SLCO6A1: variants seen among roughly 807,000 people sequenced by gnomAD.
SLCO6A1 encodes the protein solute carrier organic anion transporter family member 6A1.
In SLCO6A1, 65 loss-of-function variants were observed where a neutral mutation model predicts 72.7. The ratio of observed to expected loss-of-function variants is 0.89; its 90% CI spans 0.73 to 1.10. SLCO6A1 has a LOEUF of 1.10. SLCO6A1 is among the 50% of genes least tolerant of loss of function. The pLI is 0.00. For synonymous variants in SLCO6A1, 314 were observed against 298.2 expected (o/e 1.05, Z -0.55); for missense variants, 874 against 872.6 (o/e 1.00, Z -0.02).
chr5:102,413,708 G>A (rs1422496829), intron 8 of SLCO6A1, among the ~76,000 whole-genome samples: 4 of 152,108 alleles, frequency 2.6e-5, no homozygotes, highest in Admixed American at 2.0e-4. Flanking sequence ...CAGAACTGTT[G>A]TGATATTTTA....
chr5:102,384,449 A>AT lies in SLCO6A1; in HGVS notation c.2017+4238dup, dbSNP rs199940771. ...TTTGCTGTCTTCCTTTGTGGTTTGA[A>AT]TTTTTTTTTGTAGTGGCAGTACGCT... On this transcript the variant is annotated intron_variant, in intron 12 of 13. Transcript: ENST00000506729. Among the ~76,000 whole-genome samples the AT allele has an allele frequency of 3.2e-3, 492 of 151,730 alleles. 1 individual carries two copies. Among genetic ancestry groups the AT allele is most frequent in the African/African-American group, 0.01 (434 of 41,436 alleles).
At chr5:102,444,469 T>C (rs150530105) in intron 6 of SLCO6A1, among the ~76,000 whole-genome samples, 2 of 152,312 alleles carry the variant, frequency 1.3e-5, no homozygotes, top group Non-Finnish European at 2.9e-5. Flanking sequence ...CTTTGTGATT[T>C]AACTTCTTAT....
chr5:102,446,333 C>T (rs916232238), intron 6 of SLCO6A1, among the ~76,000 whole-genome samples: 4 of 152,054 alleles, frequency 2.6e-5, no homozygotes, highest in African/African-American at 7.2e-5. Context: ...TTGTGGCTAT[C>T]GTGAATGGGA....
At chr5:102,394,720 A>G (rs1487811516) in intron 10 of SLCO6A1, among the ~76,000 whole-genome samples, 1 of 152,118 alleles carries the variant, frequency 6.6e-6, no homozygotes, top group Non-Finnish European at 1.5e-5. Flanking sequence ...AAAATAGAGA[A>G]TGGTGAATAT....
At chr5:102,412,876 T>C in intron 9 of SLCO6A1, 114 bp downstream of exon 9, 1 of 395,568 alleles carries the variant, frequency 2.5e-6, no homozygotes, top group Non-Finnish European at 4.1e-6. Flanking sequence ...AAAATGTTAA[T>C]AGCATCTACA....
At chr5:102,425,529 G>C (rs1277719538) in intron 7 of SLCO6A1, among the ~76,000 whole-genome samples, 1 of 152,018 alleles carries the variant, frequency 6.6e-6, no homozygotes, top group African/African-American at 2.4e-5. Flanking sequence ...GCTACAAAGA[G>C]AATAAAATAC....
At chr5:102,493,699 C>T (rs191880042) in intron 1 of SLCO6A1, among the ~76,000 whole-genome samples, 2 of 152,234 alleles carry the variant, frequency 1.3e-5, no homozygotes, top group East Asian at 3.9e-4. Context: ...AGAAGTAAAA[C>T]TGTCCTTATT....
chr5:102,412,347 T>C (rs536704831), intron 9 of SLCO6A1, among the ~76,000 whole-genome samples: 2 of 152,306 alleles, frequency 1.3e-5, no homozygotes, highest in Non-Finnish European at 2.9e-5. Flanking sequence ...CATATCTGGC[T>C]GAGAATAAGT....
In SLCO6A1 at chr5:102,459,816, G is replaced by T; in HGVS notation, c.900-39C>A. On this transcript the variant is annotated intron_variant, in intron 4 of 13. Transcript: ENST00000506729. Reference sequence around the variant, plus strand: ...AAGTGAAAAAAAAAAGCAACTTTAGGTATTTGATTACAACAAAACCATAAT... The same window carrying T: ...AAGTGAAAAAAAAAAGCAACTTTAGTTATTTGATTACAACAAAACCATAAT... The T allele has an allele frequency of 1.1e-5, 16 of 1,521,934 alleles. 1 individual carries two copies. The highest frequency in any genetic ancestry group is 1.4e-5 in the Non-Finnish European group (16 of 1,134,856). The allele number at this position is 1,521,934 out of a possible 1,614,324, so 94.3% of individuals were successfully genotyped here.
intron 7 of SLCO6A1, 117 bp from the exon 8 acceptor site, chr5:102,420,138 A>C: frequency 5.7e-6 from 5 of 881,784 alleles, no homozygotes; most frequent in Non-Finnish European, 8.2e-6. Flanking sequence ...ATTTAAACTA[A>C]AAGACAGAAA....
At chr5:102,388,631 A>G in intron 12 of SLCO6A1, 57 bp downstream of exon 12, 1 of 1,246,696 alleles carries the variant, frequency 8.0e-7, no homozygotes, top group Non-Finnish European at 1.1e-6. Flanking sequence ...ACTATTAACA[A>G]CCATAACTTT....
intron 11 of SLCO6A1, among the ~76,000 whole-genome samples, chr5:102,390,327 TA>T (rs1274535360): frequency 6.6e-6 from 1 of 152,144 alleles, no homozygotes. Flanking sequence ...TTTTCCCAGT[TA>T]AAAAGCTAAT....
At chr5:102,464,095 A>G (rs1751191754) in intron 4 of SLCO6A1, among the ~76,000 whole-genome samples, 1 of 152,012 alleles carries the variant, frequency 6.6e-6, no homozygotes, top group Non-Finnish European at 1.5e-5. Context: ...TACAGTGTAC[A>G]CTTCTCAGGT....
At position 102,420,023 on chromosome 5, in the gene SLCO6A1, TAA is replaced by T. The variant is rs752032324; in HGVS notation, c.1277-4_1277-3del. On this transcript the variant is annotated splice_polypyrimidine_tract_variant and splice_region_variant and intron_variant, in intron 7 of 13. Coordinates refer to ENST00000506729, the MANE Select transcript of SLCO6A1 (RefSeq NM_173488.5). ...CACCTCCTGGAATTAAAACAAGTCC[TAA>T]AAAAAAGGAGGAGAAAAACACAGTT... The T allele has an allele frequency of 1.9e-6, 3 of 1,557,504 alleles. No individual in the cohort carries two copies. The Admixed American group carries it at 6.9e-5, about 36-fold the overall frequency.
intron 4 of SLCO6A1, among the ~76,000 whole-genome samples, chr5:102,468,578 T>A (rs1326514160): frequency 6.6e-6 from 1 of 152,086 alleles, no homozygotes; most frequent in Admixed American, 6.6e-5. Flanking sequence ...TTTATCATTT[T>A]ATAATATCCC....
rs1328664816 is a variant in SLCO6A1, at chr5:102,477,693, G to T, written c.785C>A (p.Ser262Ter). ...TFIDENVATH[S>*]AGIYLGIAEC... The stretch of plus-strand genomic sequence containing the variant: ...AAACTTGCCTAAATAGATACCAGCT[G>T]AGTGTGTAGCAACATTCTCATCAAT... The change falls in exon 3 of 14, where the codon TCA (serine) becomes TAA (stop). Residue 262 changes from serine to a stop codon, truncating the protein, a stop_gained. Transcript: ENST00000506729. LOFTEE classifies it high-confidence loss of function. The T allele has an allele frequency of 6.2e-7, 1 of 1,612,504 alleles. No individual in the cohort carries two copies. The highest frequency in any genetic ancestry group is 1.7e-5 in the Admixed American group (1 of 59,602).
intron 2 of SLCO6A1, 126 bp from the exon 3 acceptor site, chr5:102,477,987 T>C (rs1751998649): frequency 1.2e-6 from 1 of 850,766 alleles, no homozygotes; most frequent in Admixed American, 2.8e-5. Flanking sequence ...TAGTTAACAT[T>C]TCATTTACAT....
chr5:102,421,426 C>G (rs1307732135), intron 7 of SLCO6A1, among the ~76,000 whole-genome samples: 1 of 152,144 alleles, frequency 6.6e-6, no homozygotes, highest in Non-Finnish European at 1.5e-5. Flanking sequence ...GATGCTCGAG[C>G]TTGGTGGGGA....
chr5:102,430,159 A>G (rs950866209), intron 7 of SLCO6A1, among the ~76,000 whole-genome samples: 2 of 152,076 alleles, frequency 1.3e-5, no homozygotes, highest in African/African-American at 4.8e-5. Flanking sequence ...TTTTGTATCC[A>G]GAAACTTTGC....
Sources: allele counts gnomAD v4.1 joint callset (sites outside exome capture counted in the v4.1 genomes callset), GRCh38; gene constraint gnomAD v4.1.1; transcripts MANE v1.5; gene names NCBI Gene and HGNC (gene_info 2026-07-23, HGNC 2026-07-21).